KLHL20: variants seen among roughly 807,000 people sequenced by gnomAD.
KLHL20 encodes the protein kelch like family member 20.
A neutral mutation model predicts 69.5 loss-of-function variants in KLHL20; 29 were observed. The observed-to-expected ratio is 0.42, with a 90% confidence interval of 0.31 to 0.57. KLHL20 has a LOEUF of 0.57. Ranked by LOEUF, KLHL20 falls within the 20% of genes least tolerant of loss-of-function variation. The pLI is 0.18. For missense variants in KLHL20, 419 were observed against 776.0 expected (o/e 0.54, Z 5.47); for synonymous variants, 253 against 265.2 (o/e 0.95, Z 0.45).
At chr1:173,720,778 A>G (rs1050468328) in intron 2 of KLHL20, among the ~76,000 whole-genome samples, 14 of 152,194 alleles carry the variant, frequency 9.2e-5, no homozygotes, top group Admixed American at 6.5e-5. Flanking sequence ...CTCCAAACTT[A>G]GGAAACCAGA....
At chr1:173,749,905 G>C (rs1428754952) in intron 3 of KLHL20, among the ~76,000 whole-genome samples, 2 of 152,032 alleles carry the variant, frequency 1.3e-5, no homozygotes, top group African/African-American at 4.8e-5. Flanking sequence ...GCACTTACTA[G>C]AGCTAAGCCC....
At chr1:173,775,541 T>C in intron 9 of KLHL20, 93 bp from the exon 10 acceptor site, 2 of 1,012,420 alleles carry the variant, frequency 2.0e-6, no homozygotes, top group East Asian at 4.9e-5. Context: ...GTTGAAAATA[T>C]GTGTTATCAC....
At chr1:173,766,067 TC>T in intron 7 of KLHL20, 78 bp from the exon 8 acceptor site, 1 of 1,127,652 alleles carries the variant, frequency 8.9e-7, no homozygotes, top group Non-Finnish European at 1.2e-6. Flanking sequence ...ATCATATAAA[TC>T]CATGGATTTA....
intron 7 of KLHL20, among the ~76,000 whole-genome samples, chr1:173,759,599 G>C (rs1454948946): frequency 6.6e-6 from 1 of 152,090 alleles, no homozygotes; most frequent in Non-Finnish European, 1.5e-5. Context: ...AGACTTGCTG[G>C]GTGGCTAGAC....
chr1:173,776,083 C>T (rs1464494472), intron 10 of KLHL20, among the ~76,000 whole-genome samples: 1 of 152,134 alleles, frequency 6.6e-6, no homozygotes, highest in Non-Finnish European at 1.5e-5. Flanking sequence ...TCTCTGCATC[C>T]TTATCAGCAA....
At chr1:173,769,954 TA>T in intron 8 of KLHL20, among the ~76,000 whole-genome samples, 1 of 152,092 alleles carries the variant, frequency 6.6e-6, no homozygotes, top group South Asian at 2.1e-4. Context: ...TGTTTTTTAA[TA>T]CTACATAAAA....
intron 3 of KLHL20, among the ~76,000 whole-genome samples, chr1:173,735,340 G>A (rs937336363): frequency 2.0e-5 from 3 of 152,012 alleles, no homozygotes; most frequent in South Asian, 2.1e-4. Context: ...CAGCTACTTA[G>A]GAGGCTGAGG....
intron 8 of KLHL20, among the ~76,000 whole-genome samples, chr1:173,766,618 G>A (rs1647730719): frequency 6.6e-6 from 1 of 150,592 alleles, no homozygotes; most frequent in Admixed American, 6.6e-5. Context: ...CTCCAGCCTG[G>A]GTGCAAAGTG....
intron 2 of KLHL20, among the ~76,000 whole-genome samples, chr1:173,722,479 A>G (rs945459804): frequency 6.6e-6 from 1 of 151,984 alleles, no homozygotes; most frequent in African/African-American, 2.4e-5. Flanking sequence ...AAATTAAGCC[A>G]GGCGTGGTAG....
At chr1:173,767,207 C>T (rs56019876) in intron 8 of KLHL20, among the ~76,000 whole-genome samples, 34,768 of 152,032 alleles carry the variant, frequency 0.23, 4,433 homozygotes, top group Middle Eastern at 0.39. Flanking sequence ...TTATCCATGC[C>T]GTCGAAAATG....
intron 1 of KLHL20, 148 bp from the exon 2 acceptor site, chr1:173,715,853 TAA>T: frequency 1.8e-6 from 1 of 560,128 alleles, no homozygotes; most frequent in South Asian, 2.9e-5. Context: ...TGTACTAGAT[TAA>T]GTTATTGTGC....
chr1:173,726,176 T>A (rs1347578966), intron 2 of KLHL20, among the ~76,000 whole-genome samples: 1 of 152,040 alleles, frequency 6.6e-6, no homozygotes, highest in African/African-American at 2.4e-5. Context: ...GATCACACTG[T>A]AAAGCAGCAG....
At chr1:173,745,711 T>C (rs1367562106) in intron 3 of KLHL20, among the ~76,000 whole-genome samples, 1 of 152,212 alleles carries the variant, frequency 6.6e-6, no homozygotes, top group African/African-American at 2.4e-5. Context: ...TGTTTTCTTT[T>C]GTCTAGTTGC....
chr1:173,735,139 T>G (rs1358138107), intron 3 of KLHL20, among the ~76,000 whole-genome samples: 1 of 152,166 alleles, frequency 6.6e-6, no homozygotes, highest in Non-Finnish European at 1.5e-5. Flanking sequence ...CTGAGGTTGA[T>G]AGACTATGTT....
Position 173,765,270 on chromosome 1 carries a change from G to A in KLHL20, c.1152-876G>A, listed in dbSNP as rs572394810. Among the ~76,000 whole-genome samples the A allele has an allele frequency of 1.8e-3, 278 of 152,314 alleles. 1 individual carries two copies. The highest frequency in any genetic ancestry group is 6.2e-3 in the South Asian group (30 of 4,830). On this transcript the variant is annotated intron_variant, in intron 7 of 11. Transcript: ENST00000209884. ...TGTAATCCCAGCTCTTTGGGAGGCC[G>A]AGGCGGGTGGATCACGAGGTCAGGA...
chr1:173,754,365 T>A (rs930982263), intron 5 of KLHL20, among the ~76,000 whole-genome samples: 6 of 152,036 alleles, frequency 3.9e-5, no homozygotes, highest in African/African-American at 1.4e-4. Flanking sequence ...GGTGGGTGTA[T>A]CACCTGAGGT....
At position 173,734,152 on chromosome 1, in the gene KLHL20, G is replaced by T; in HGVS notation, c.463G>T (p.Glu155Ter). 1 of 1,614,226 alleles carries T rather than the reference G, an allele frequency of 6.2e-7. No individual in the cohort carries two copies. Among genetic ancestry groups the T allele is most frequent in the Non-Finnish European group, 8.5e-7 (1 of 1,180,042 alleles). ...ACLLQLAEIQEACCEFLKRQL... is the reference protein window; with the variant it reads ...ACLLQLAEIQ Reference sequence around the variant, plus strand: ...CCTCCTCCAGCTGGCAGAAATACAGGAAGCCTGCTGTGAATTCTTAAAGAG... The same window carrying T: ...CCTCCTCCAGCTGGCAGAAATACAGTAAGCCTGCTGTGAATTCTTAAAGAG... Residue 155 changes from glutamate to a stop codon, truncating the protein, a stop_gained, in exon 3 of 12, where the codon GAA becomes TAA. Transcript: ENST00000209884. LOFTEE classifies it high-confidence loss of function.
At chr1:173,766,374 G>A in intron 8 of KLHL20, 85 bp downstream of exon 8, 1 of 1,284,904 alleles carries the variant, frequency 7.8e-7, no homozygotes, top group Middle Eastern at 2.5e-4. Flanking sequence ...GTTGGGCGTG[G>A]TGGCTCACAC....
chr1:173,745,160 TTTC>T (rs1394021703), intron 3 of KLHL20, among the ~76,000 whole-genome samples: 1 of 145,088 alleles, frequency 6.9e-6, no homozygotes, highest in Non-Finnish European at 1.5e-5. Flanking sequence ...CTTTTATACA[TTTC>T]TTTTTTCTTT....
Sources: allele counts gnomAD v4.1 joint callset (sites outside exome capture counted in the v4.1 genomes callset), GRCh38; gene constraint gnomAD v4.1.1; transcripts MANE v1.5; gene names NCBI Gene and HGNC (gene_info 2026-07-23, HGNC 2026-07-21).